Variants in IMMP2L observed in about 807,000 individuals in gnomAD.
The protein encoded by IMMP2L is inner mitochondrial membrane peptidase subunit 2, also known as mitochondrial inner membrane protease subunit 2.
IMMP2L carries 18 observed loss-of-function variants against 19.3 expected under a neutral mutation model. The ratio of observed to expected loss-of-function variants is 0.93; its 90% CI spans 0.64 to 1.38. The LOEUF (loss-of-function observed/expected upper bound fraction) is 1.38, where lower values mean the gene tolerates loss of function less well. IMMP2L is among the 40% of genes most tolerant of loss of function. IMMP2L has a pLI of 0.00. For missense variants in IMMP2L, 233 were observed against 218.2 expected, an observed-to-expected ratio of 1.07 and a Z score of -0.43; for synonymous variants, 76 against 73.0, an observed-to-expected ratio of 1.04 and a Z score of -0.21.
intron 5 of IMMP2L, among the ~76,000 whole-genome samples, chr7:110,856,064 A>G (rs562612674): frequency 1.6e-4 from 24 of 152,160 alleles, no homozygotes; most frequent in African/African-American, 5.5e-4. Context: ...CATACTTCTT[A>G]TAATGTTTGA....
intron 3 of IMMP2L, among the ~76,000 whole-genome samples, chr7:111,138,340 A>G (rs1233055726): frequency 6.6e-6 from 1 of 152,158 alleles, no homozygotes; most frequent in South Asian, 2.1e-4. Flanking sequence ...GTGACAGCTC[A>G]TAAAGAAAAT....
chr7:111,348,415 G>A (rs1366200127), intron 3 of IMMP2L, among the ~76,000 whole-genome samples: 2 of 151,938 alleles, frequency 1.3e-5, no homozygotes, highest in African/African-American at 4.8e-5. Flanking sequence ...TTTGTTTAAT[G>A]CTAAATTCTC....
rs549302389 is a variant in IMMP2L at position 111,179,680 on chromosome 7, A to C, written c.240-216115T>G. ...AGTGAGCCTGTCCTTTGATGCTTTG[A>C]AGCCAGCATTGACTTCTCTCTAGCT... is the stretch of plus-strand genomic sequence containing the variant. On this transcript the variant is annotated intron_variant, in intron 3 of 5. Transcript: ENST00000405709. 4.6e-5 allele frequency among the ~76,000 whole-genome samples: 7 copies of C among 152,112 alleles called. No individual in the cohort carries two copies. The East Asian group carries it at 1.4e-3, about 30-fold the overall frequency.
At chr7:110,846,768 A>T (rs1362011560) in intron 5 of IMMP2L, among the ~76,000 whole-genome samples, 1 of 152,144 alleles carries the variant, frequency 6.6e-6, no homozygotes, top group African/African-American at 2.4e-5. Flanking sequence ...GGACATAGAC[A>T]TTCTTAATAT....
Position 110,737,645 on chromosome 7 carries a change from A to G in IMMP2L, c.409-73924T>C, listed in dbSNP as rs936528816. On this transcript the variant is annotated intron_variant, in intron 5 of 5. Transcript: ENST00000405709. ...TGGGAACTCTATGGCCCTGCCCACC[A>G]CTTGAGAAACCTGAATACTTAACCA... Among the ~76,000 whole-genome samples, 12 of 152,268 alleles carry G rather than the reference A, an allele frequency of 7.9e-5. No homozygotes were observed. The East Asian group carries it at 2.1e-3, about 27-fold the overall frequency.
chr7:111,530,213 T>C (rs1030544512), intron 1 of IMMP2L, among the ~76,000 whole-genome samples: 4 of 152,200 alleles, frequency 2.6e-5, no homozygotes, highest in Non-Finnish European at 2.9e-5. Context: ...AAAATGTTCA[T>C]ATGTGTTTGT....
At chr7:111,364,766 A>T (rs1024178823) in intron 3 of IMMP2L, among the ~76,000 whole-genome samples, 1 of 151,844 alleles carries the variant, frequency 6.6e-6, no homozygotes, top group Non-Finnish European at 1.5e-5. Flanking sequence ...AGGTCAGGAG[A>T]TCAAGAACAG....
intron 3 of IMMP2L, among the ~76,000 whole-genome samples, chr7:111,079,942 C>T (rs1218251028): frequency 6.6e-6 from 1 of 152,134 alleles, no homozygotes; most frequent in East Asian, 1.9e-4. Context: ...ATGTGATGCC[C>T]TCTGCCATGT....
At chr7:111,331,862 G>A (rs113656655) in intron 3 of IMMP2L, among the ~76,000 whole-genome samples, 5 of 151,818 alleles carry the variant, frequency 3.3e-5, no homozygotes, top group African/African-American at 1.2e-4. Context: ...AAGGAATTCT[G>A]GATCCATGAG....
At chr7:110,930,794 AC>A (rs1464686731) in intron 4 of IMMP2L, among the ~76,000 whole-genome samples, 1 of 152,216 alleles carries the variant, frequency 6.6e-6, no homozygotes, top group African/African-American at 2.4e-5. Context: ...TAACTACCTA[AC>A]TTTATTATTT....
chr7:110,889,639 A>G (rs1252732501), intron 4 of IMMP2L, among the ~76,000 whole-genome samples: 1 of 152,180 alleles, frequency 6.6e-6, no homozygotes, highest in African/African-American at 2.4e-5. Flanking sequence ...CCTGGGGGTT[A>G]GGGACTCCTG....
chr7:110,777,904 A>C (rs1799498755), intron 5 of IMMP2L, among the ~76,000 whole-genome samples: 1 of 151,968 alleles, frequency 6.6e-6, no homozygotes, highest in Admixed American at 6.6e-5. Flanking sequence ...CTTGTTTTTC[A>C]TTTATTGTTC....
chr7:110,926,560 T>C (rs28671112), intron 4 of IMMP2L, among the ~76,000 whole-genome samples: 5,521 of 152,196 alleles, frequency 0.036, 337 homozygotes, highest in African/African-American at 0.13. Context: ...TATTACAATA[T>C]ACAATATTCA....
chr7:111,231,501 A>G lies in IMMP2L; in HGVS notation c.239+255737T>C, dbSNP rs935996174. 5.9e-5 allele frequency among the ~76,000 whole-genome samples: 9 copies of G among 151,886 alleles called. No individual in the cohort carries two copies. In the East Asian group the frequency reaches 1.2e-3, roughly 20 times the overall value. ...ATCTCAGCTTAATGTTACTTCTCCA[A>G]TGAGGTCCTCCCTGCTTGCTCATTC... On this transcript the variant is annotated intron_variant, in intron 3 of 5. Coordinates refer to ENST00000405709, the MANE Select transcript of IMMP2L (RefSeq NM_032549.4).
intron 4 of IMMP2L, among the ~76,000 whole-genome samples, chr7:110,900,058 T>G (rs1418818473): frequency 6.6e-6 from 1 of 152,182 alleles, no homozygotes; most frequent in African/African-American, 2.4e-5. Context: ...TTTTCAAACT[T>G]TAAATGTAAC....
intron 3 of IMMP2L, among the ~76,000 whole-genome samples, chr7:111,066,086 C>A (rs1356841458): frequency 6.6e-6 from 1 of 150,414 alleles, no homozygotes; most frequent in African/African-American, 2.4e-5. Context: ...TCAAGCAATT[C>A]TCCTACCGCA....
chr7:111,427,565 T>C (rs560266740), intron 3 of IMMP2L, among the ~76,000 whole-genome samples: 1 of 151,928 alleles, frequency 6.6e-6, no homozygotes, highest in South Asian at 2.1e-4. Flanking sequence ...GAAGTGAGAA[T>C]TCGAAGCTAT....
chr7:110,876,938 C>T (rs970737363), intron 5 of IMMP2L, among the ~76,000 whole-genome samples: 5 of 152,108 alleles, frequency 3.3e-5, no homozygotes, highest in African/African-American at 1.2e-4. Flanking sequence ...CAGTCCTAAA[C>T]TAATCTTTCT....
At chr7:111,384,214 G>C (rs907750194) in intron 3 of IMMP2L, among the ~76,000 whole-genome samples, 1 of 142,290 alleles carries the variant, frequency 7.0e-6, no homozygotes, top group African/African-American at 3.0e-5. Context: ...AGAGAAGAGA[G>C]AGGAGAGAGG....
Sources: allele counts gnomAD v4.1 joint callset (sites outside exome capture counted in the v4.1 genomes callset), GRCh38; gene constraint gnomAD v4.1.1; transcripts MANE v1.5; gene names NCBI Gene and HGNC (gene_info 2026-07-23, HGNC 2026-07-21).